The following TRHDE variants were observed in gnomAD, a reference collection of about 807,000 sequenced individuals.
The protein encoded by TRHDE is thyrotropin-releasing hormone-degrading ectoenzyme.
TRHDE carries 72 observed loss-of-function variants against 125.7 expected under a neutral mutation model. The observed-to-expected ratio is 0.57, with a 90% confidence interval of 0.47 to 0.70. TRHDE has a LOEUF of 0.70. Ranked by LOEUF, TRHDE falls within the 30% of genes least tolerant of loss-of-function variation. TRHDE has a pLI of 0.00. For missense variants in TRHDE, 1,110 were observed against 1,327.1 expected (o/e 0.84, Z 2.54); for synonymous variants, 509 against 509.1 (o/e 1.00, Z 0.00).
At chr12:72,483,651 G>C (rs1877275615) in intron 5 of TRHDE, among the ~76,000 whole-genome samples, 1 of 151,844 alleles carries the variant, frequency 6.6e-6, no homozygotes, top group African/African-American at 2.4e-5. Context: ...TTGAAATGCA[G>C]TTTTATATGA....
intron 3 of TRHDE, among the ~76,000 whole-genome samples, chr12:72,435,287 C>T (rs1874688521): frequency 6.6e-6 from 1 of 152,090 alleles, no homozygotes; most frequent in African/African-American, 2.4e-5. Context: ...TCTGTCCTCC[C>T]CAAAGGATGG....
intron 15 of TRHDE, among the ~76,000 whole-genome samples, chr12:72,638,395 T>G (rs1465197043): frequency 1.3e-5 from 2 of 152,158 alleles, no homozygotes; most frequent in Non-Finnish European, 2.9e-5. Flanking sequence ...AGCCTATGTT[T>G]GTCTCTGCAC....
intron 2 of TRHDE, among the ~76,000 whole-genome samples, chr12:72,158,906 A>G (rs1280424684): frequency 1.3e-5 from 2 of 152,104 alleles, no homozygotes; most frequent in Non-Finnish European, 2.9e-5. Flanking sequence ...CACACAAGAG[A>G]TTGAGATTTA....
chr12:72,265,922 T>A (rs147856139), intron 2 of TRHDE, among the ~76,000 whole-genome samples: 1 of 152,118 alleles, frequency 6.6e-6, no homozygotes, highest in East Asian at 1.9e-4. Context: ...ATACTAGCGA[T>A]ATTTCATTAT....
intron 5 of TRHDE, among the ~76,000 whole-genome samples, chr12:72,499,248 T>C (rs1443899810): frequency 6.6e-6 from 1 of 152,080 alleles, no homozygotes; most frequent in Non-Finnish European, 1.5e-5. Context: ...AAACACAGAG[T>C]TCACTGTTTT....
chr12:72,612,149 T>G (rs1872655555), intron 12 of TRHDE, among the ~76,000 whole-genome samples: 1 of 152,162 alleles, frequency 6.6e-6, no homozygotes, highest in Non-Finnish European at 1.5e-5. Context: ...TGCTGTTTCC[T>G]CAGTCAGTAT....
intron 7 of TRHDE, among the ~76,000 whole-genome samples, chr12:72,560,029 T>C (rs1005199083): frequency 6.6e-6 from 1 of 152,230 alleles, no homozygotes; most frequent in African/African-American, 2.4e-5. Flanking sequence ...GACTGATTAT[T>C]GAAACGCACT....
chr12:72,408,404 C>G (rs1225629404), intron 3 of TRHDE, among the ~76,000 whole-genome samples: 1 of 152,104 alleles, frequency 6.6e-6, no homozygotes, highest in Non-Finnish European at 1.5e-5. Flanking sequence ...AGAAACCTAG[C>G]AAAAGTAAAT....
chr12:72,608,507 G>A (rs1272023471), intron 12 of TRHDE, among the ~76,000 whole-genome samples: 2 of 152,166 alleles, frequency 1.3e-5, no homozygotes, highest in South Asian at 2.1e-4. Context: ...GTAGGCCAGA[G>A]TCTGAGCTAA....
chr12:72,563,116 A>T (rs1870263442), intron 9 of TRHDE, 76 bp downstream of exon 9: 5 of 1,102,482 alleles, frequency 4.5e-6, no homozygotes, highest in Non-Finnish European at 6.5e-6. Flanking sequence ...AAAGAGCATT[A>T]ATAACAAAAT....
intron 3 of TRHDE, among the ~76,000 whole-genome samples, chr12:72,453,577 G>T (rs1240018130): frequency 6.6e-6 from 1 of 152,176 alleles, no homozygotes; most frequent in Non-Finnish European, 1.5e-5. Context: ...ACTTACTAGA[G>T]AAATTTGCAT....
intron 2 of TRHDE, among the ~76,000 whole-genome samples, chr12:72,260,087 G>C (rs1053356039): frequency 6.6e-6 from 1 of 152,206 alleles, no homozygotes; most frequent in South Asian, 2.1e-4. Context: ...TGTATAGGAA[G>C]GGATCCACAA....
At position 72,362,319 on chromosome 12, in the gene TRHDE, G is replaced by C. The variant is rs953306154; in HGVS notation, c.1189-15676G>C. 5.3e-5 allele frequency among the ~76,000 whole-genome samples: 8 copies of C among 149,934 alleles called. No individual in the cohort carries two copies. In the South Asian group the frequency reaches 1.1e-3, roughly 20 times the overall value. ...CGCATTTCTCTGATGGCCAGTGATG[G>C]TGAGCATTTTTTCATGTGTTTTTTG... On this transcript the variant is annotated intron_variant, in intron 2 of 18. Coordinates refer to ENST00000261180, the MANE Select transcript of TRHDE (RefSeq NM_013381.3).
intron 2 of TRHDE, among the ~76,000 whole-genome samples, 171 bp from the exon 3 acceptor site, chr12:72,377,824 T>C (rs1871960262): frequency 6.6e-6 from 1 of 152,182 alleles, no homozygotes; most frequent in Admixed American, 6.5e-5. Context: ...ATTACTTCAA[T>C]TGTTTAAGTT....
intron 2 of TRHDE, among the ~76,000 whole-genome samples, chr12:72,149,029 A>G (rs756184611): frequency 2.6e-5 from 4 of 152,064 alleles, no homozygotes; most frequent in Admixed American, 1.3e-4. Context: ...TACATGGTTC[A>G]TTGAATGTTT....
At chr12:72,360,396 C>G (rs147067987) in intron 2 of TRHDE, among the ~76,000 whole-genome samples, 3 of 151,714 alleles carry the variant, frequency 2.0e-5, no homozygotes, top group African/African-American at 7.2e-5. Flanking sequence ...GATAAATGAT[C>G]CACTGGTAGA....
chr12:72,273,654 A>C lies in TRHDE; in HGVS notation c.914+97A>C. The stretch of plus-strand genomic sequence containing the variant: ...CCCGGGGACCCAGCTGGCTTCCAAT[A>C]CCCGGGAAGCCAGGGGTGGGGGGAA... On this transcript the variant is annotated intron_variant, in intron 1 of 18. Transcript: ENST00000261180. This position sits in a 1 kb window ranked among gnomAD's most constrained non-coding sequence, Gnocchi z 5.3. 1.7e-6 allele frequency: 2 copies of C among 1,206,912 alleles called. No homozygotes were observed. Among genetic ancestry groups the C allele is most frequent in the Non-Finnish European group, 2.3e-6 (2 of 867,100 alleles). The allele number at this position is 1,206,912 out of a possible 1,614,324, so 74.8% of individuals were successfully genotyped here.
At chr12:72,518,665 T>C (rs1879011480) in intron 6 of TRHDE, among the ~76,000 whole-genome samples, 1 of 152,040 alleles carries the variant, frequency 6.6e-6, no homozygotes, top group African/African-American at 2.4e-5. Flanking sequence ...AATATTGTTA[T>C]GTGTGAATTT....
At chr12:72,359,564 C>T (rs1027288821) in intron 2 of TRHDE, among the ~76,000 whole-genome samples, 1 of 151,512 alleles carries the variant, frequency 6.6e-6, no homozygotes, top group Non-Finnish European at 1.5e-5. Context: ...TAACAACAAA[C>T]CATAAAGTAT....
Sources: gnomAD v4.1 joint callset for allele counts (sites outside exome capture counted in the v4.1 genomes callset) on GRCh38, gnomAD v4.1.1 for gene constraint, Gnocchi (gnomAD v3.1) non-coding constraint, MANE v1.5 for transcripts, NCBI Gene and HGNC (gene_info 2026-07-23, HGNC 2026-07-21) for gene names.